The following SEMA3D variants were observed in gnomAD, a reference collection of about 807,000 sequenced individuals.
The protein encoded by SEMA3D is semaphorin-3D.
A neutral mutation model predicts 100.1 loss-of-function variants in SEMA3D; 84 were observed. The ratio of observed to expected loss-of-function variants is 0.84; its 90% CI spans 0.70 to 1.01. SEMA3D has a LOEUF of 1.01. Ranked by LOEUF, SEMA3D falls within the 50% of genes least tolerant of loss-of-function variation. SEMA3D has a pLI of 0.00. For synonymous variants in SEMA3D, 312 were observed against 320.7 expected (o/e 0.97, Z 0.29); for missense variants, 875 against 934.1 (o/e 0.94, Z 0.82).
chr7:85,130,651 G>A (rs1049583074), intron 2 of SEMA3D, among the ~76,000 whole-genome samples: 2 of 151,980 alleles, frequency 1.3e-5, no homozygotes, highest in South Asian at 2.1e-4. Context: ...TCCTATGTTC[G>A]GTTTAACTCT....
At chr7:85,201,103 C>T in the SEMA3D span, among the ~76,000 whole-genome samples, 1 of 152,170 alleles carries the variant, frequency 6.6e-6, no homozygotes, top group Non-Finnish European at 1.5e-5. Context: ...TACCAAAAGA[C>T]AGTTTTATTC....
intron 13 of SEMA3D, among the ~76,000 whole-genome samples, chr7:85,020,979 A>C (rs1790239054): frequency 6.6e-6 from 1 of 151,644 alleles, no homozygotes. Context: ...ATCATCTTAC[A>C]TTGAAATTAA....
chr7:85,026,330 G>T (rs1265877522), intron 12 of SEMA3D, among the ~76,000 whole-genome samples: 1 of 151,978 alleles, frequency 6.6e-6, no homozygotes, highest in East Asian at 1.9e-4. Context: ...ATATTAAAGA[G>T]AAAATAAAAC....
chr7:85,028,464 C>T (rs1790454429), intron 12 of SEMA3D: 1 of 377,416 alleles, frequency 2.6e-6, no homozygotes, highest in Non-Finnish European at 4.8e-6. Flanking sequence ...TTGATCCTCA[C>T]TATGGAGGAT....
rs1324486226 is a variant in SEMA3D at position 85,036,899 on chromosome 7, C to A, written c.1181G>T (p.Arg394Leu). ...VQYDGRIPYP[R>L]PGTCPSKTYD... is the part of the protein sequence containing the mutation. ...AAGTTGGATACATACTGTACCAGGCCGTGGATAAGGAATTCTCCCATCATA... is the reference window on the plus strand; with the variant it reads ...AAGTTGGATACATACTGTACCAGGCAGTGGATAAGGAATTCTCCCATCATA... The change falls in exon 12 of 19, where the codon CGG (arginine) becomes CTG (leucine). Residue 394 changes from arginine to leucine, a missense_variant. Physicochemically the swap from Arg to Leu is moderately radical, Grantham distance 102. Transcript: ENST00000284136. 1 of 1,612,454 alleles carries A rather than the reference C, an allele frequency of 6.2e-7. No individual in the cohort carries two copies. Among genetic ancestry groups the A allele is most frequent in the East Asian group, 2.2e-5 (1 of 44,862 alleles).
chr7:85,220,489 T>G, the SEMA3D span, among the ~76,000 whole-genome samples: 149 of 152,128 alleles, frequency 9.8e-4, no homozygotes, highest in South Asian at 1.2e-3. Flanking sequence ...GTCATATGAT[T>G]ATCGGGAGAA....
the SEMA3D span, among the ~76,000 whole-genome samples, chr7:85,212,847 T>C: frequency 6.6e-6 from 1 of 151,968 alleles, no homozygotes; most frequent in Non-Finnish European, 1.5e-5. Context: ...TGCCAAATGA[T>C]TACATTTCAG....
chr7:85,117,756 G>A (rs949077253), intron 3 of SEMA3D, among the ~76,000 whole-genome samples: 2 of 146,874 alleles, frequency 1.4e-5, no homozygotes, highest in Non-Finnish European at 3.0e-5. Context: ...GTGGGAGACA[G>A]AGCAAGAGTA....
At chr7:85,109,415 T>G (rs1405472926) in intron 3 of SEMA3D, among the ~76,000 whole-genome samples, 1 of 151,994 alleles carries the variant, frequency 6.6e-6, no homozygotes, top group Non-Finnish European at 1.5e-5. Flanking sequence ...ATATTTCCAC[T>G]GAATATTCCG....
intron 2 of SEMA3D, among the ~76,000 whole-genome samples, chr7:85,132,669 C>G (rs1789758688): frequency 6.6e-6 from 1 of 151,724 alleles, no homozygotes; most frequent in Non-Finnish European, 1.5e-5. Context: ...AAATTAATGT[C>G]AATGTATTAT....
At chr7:85,147,302 A>T (rs898502856) in intron 2 of SEMA3D, among the ~76,000 whole-genome samples, 1 of 151,448 alleles carries the variant, frequency 6.6e-6, no homozygotes, top group Admixed American at 6.6e-5. Context: ...GGTTTTCGCC[A>T]TGTGGGCCAG....
chr7:85,075,203 A>G (rs1233780947), intron 5 of SEMA3D, among the ~76,000 whole-genome samples: 2 of 152,152 alleles, frequency 1.3e-5, no homozygotes, highest in African/African-American at 4.8e-5. Flanking sequence ...CTCACCACCA[A>G]TTAGTTCACC....
intron 1 of SEMA3D, among the ~76,000 whole-genome samples, chr7:85,166,628 G>A (rs1790913694): frequency 1.3e-5 from 2 of 151,920 alleles, no homozygotes; most frequent in African/African-American, 4.8e-5. Context: ...GAGAGATAAA[G>A]CAAATTGCCC....
the SEMA3D span, among the ~76,000 whole-genome samples, chr7:85,232,635 C>T: frequency 2.6e-5 from 4 of 152,178 alleles, no homozygotes; most frequent in East Asian, 1.9e-4. Context: ...CTTTTATTGT[C>T]GTATCATTTT....
At chr7:85,144,681 A>C (rs564478425) in intron 2 of SEMA3D, 1 of 985,296 alleles carries the variant, frequency 1.0e-6, no homozygotes, top group Non-Finnish European at 1.2e-6. Context: ...CTGGAGCCCA[A>C]AATTAAAGCT....
At chr7:85,201,190 T>C in the SEMA3D span, among the ~76,000 whole-genome samples, 2 of 152,202 alleles carry the variant, frequency 1.3e-5, no homozygotes, top group Non-Finnish European at 2.9e-5. Context: ...TTTGTTTTCA[T>C]AGGATGCTTG....
At chr7:85,156,664 A>T (rs958035058) in intron 1 of SEMA3D, among the ~76,000 whole-genome samples, 2 of 152,162 alleles carry the variant, frequency 1.3e-5, no homozygotes, top group African/African-American at 4.8e-5. Context: ...CACCCAAGTC[A>T]TCATCAATAG....
At chr7:85,055,266 C>T (rs145776047) in intron 9 of SEMA3D, among the ~76,000 whole-genome samples, 263 of 152,024 alleles carry the variant, frequency 1.7e-3, no homozygotes, top group South Asian at 3.1e-3. Context: ...CTAGGGATTA[C>T]GTTAAGTTAC....
intron 10 of SEMA3D, chr7:85,041,309 C>T (rs1790857279): frequency 6.6e-6 from 1 of 152,258 alleles, no homozygotes; most frequent in South Asian, 2.1e-4. Flanking sequence ...GGTCCAAACA[C>T]CTCGGCCTCC....
Sources: gnomAD v4.1 joint callset for allele counts (sites outside exome capture counted in the v4.1 genomes callset) on GRCh38, gnomAD v4.1.1 for gene constraint, MANE v1.5 for transcripts, NCBI Gene and HGNC (gene_info 2026-07-23, HGNC 2026-07-21) for gene names.